Variants in ADAMTS6 observed in about 807,000 individuals in gnomAD.
ADAMTS6 encodes ADAM metallopeptidase with thrombospondin type 1 motif 6, also known as A disintegrin and metalloproteinase with thrombospondin motifs 6.
ADAMTS6 carries 23 observed loss-of-function variants against 144.3 expected under a neutral mutation model. The observed-to-expected ratio is 0.16, with a 90% CI of 0.11 to 0.23. The LOEUF (loss-of-function observed/expected upper bound fraction) is 0.23, where lower values mean the gene tolerates loss of function less well. ADAMTS6 is among the 10% of genes least tolerant of loss of function. The pLI is 1.00. For synonymous variants in ADAMTS6, 444 were observed against 457.5 expected, an observed-to-expected ratio of 0.97 and a Z score of 0.38; for missense variants, 999 against 1,379.6, an observed-to-expected ratio of 0.72 and a Z score of 4.37.
At chr5:65,366,685 T>C (rs1750336352) in intron 7 of ADAMTS6, among the ~76,000 whole-genome samples, 1 of 152,226 alleles carries the variant, frequency 6.6e-6, no homozygotes, top group African/African-American at 2.4e-5. Context: ...TAACTGTTCA[T>C]AGATTTAAAG....
chr5:65,398,846 A>AAGAAAG (rs1561502035), intron 7 of ADAMTS6, among the ~76,000 whole-genome samples: 1 of 143,728 alleles, frequency 7.0e-6, no homozygotes, highest in South Asian at 2.2e-4. Context: ...GAAAGAAAGA[A>AAGAAAG]AGAAAAAGAA....
intron 2 of ADAMTS6, among the ~76,000 whole-genome samples, chr5:65,471,421 G>A (rs371920962): frequency 2.8e-4 from 42 of 151,714 alleles, no homozygotes; most frequent in Non-Finnish European, 5.3e-4. Flanking sequence ...AATTCTACAA[G>A]AAATATTAAA....
chr5:65,234,078 CAAAAA>C (rs3078364), intron 15 of ADAMTS6, among the ~76,000 whole-genome samples: 1 of 90,382 alleles, frequency 1.1e-5, no homozygotes, highest in South Asian at 3.5e-4. Flanking sequence ...TGGTCACGTG[CAAAAA>C]AAAAAAAAAA....
chr5:65,459,474 A>G (rs1462529708), intron 4 of ADAMTS6, among the ~76,000 whole-genome samples: 2 of 152,102 alleles, frequency 1.3e-5, no homozygotes, highest in African/African-American at 4.8e-5. Context: ...TTATCCCTCC[A>G]GCCCACATTC....
chr5:65,257,505 G>T (rs1023752889), intron 14 of ADAMTS6, among the ~76,000 whole-genome samples: 1 of 151,882 alleles, frequency 6.6e-6, no homozygotes, highest in Non-Finnish European at 1.5e-5. Context: ...TATTCCTAGC[G>T]CAGAGCCCAT....
chr5:65,400,971 T>C (rs2150163772), intron 7 of ADAMTS6, among the ~76,000 whole-genome samples: 1 of 152,332 alleles, frequency 6.6e-6, no homozygotes. Context: ...CATTCTCCAT[T>C]AACACTTTTA....
intron 18 of ADAMTS6, among the ~76,000 whole-genome samples, chr5:65,222,068 A>G (rs1038549363): frequency 1.3e-5 from 2 of 152,218 alleles, no homozygotes; most frequent in Non-Finnish European, 2.9e-5. Context: ...TAACCTATAG[A>G]TTCCATATAC....
chr5:65,429,851 A>C (rs1756855980), intron 7 of ADAMTS6, among the ~76,000 whole-genome samples: 1 of 152,166 alleles, frequency 6.6e-6, no homozygotes, highest in East Asian at 1.9e-4. Flanking sequence ...CAAAATTAGA[A>C]AGTATTACAT....
At position 65,471,069 on chromosome 5, in the gene ADAMTS6, G is replaced by A; in HGVS notation, c.171C>T (p.Leu57=). ...PIRVDQNGAF[L]SFTVKNDKHS... Reference sequence around the variant, plus strand: ...GTTTATCATTTTTCACAGTAAAGCTGAGAAATGCTCCATTTTGATCAACCC... The same window carrying A: ...GTTTATCATTTTTCACAGTAAAGCTAAGAAATGCTCCATTTTGATCAACCC... The change falls in exon 3 of 25, where the codon CTC becomes CTT. Residue 57 remains leucine, a synonymous_variant. Coordinates refer to ENST00000381055, the MANE Select transcript of ADAMTS6 (RefSeq NM_197941.4). 1 of 1,610,842 alleles carries A rather than the reference G, an allele frequency of 6.2e-7. No individual in the cohort carries two copies. Among genetic ancestry groups the A allele is most frequent in the Non-Finnish European group, 8.5e-7 (1 of 1,178,888 alleles).
At chr5:65,305,152 A>G (rs1039464122) in intron 9 of ADAMTS6, among the ~76,000 whole-genome samples, 1 of 152,244 alleles carries the variant, frequency 6.6e-6, no homozygotes, top group African/African-American at 2.4e-5. Context: ...TTATGGACAT[A>G]TAAATAGAGA....
rs527640550 is a variant in ADAMTS6 at position 65,271,388 on chromosome 5, A to C, written c.1620+1952T>G. On this transcript the variant is annotated intron_variant, in intron 12 of 24. Coordinates refer to ENST00000381055, the MANE Select transcript of ADAMTS6 (RefSeq NM_197941.4). The stretch of plus-strand genomic sequence containing the variant: ...GCTATACTCCGTCTAAAAAAAAAAA[A>C]AAAAAAAAAACACAAATTACATTTC... 3.3e-3 allele frequency among the ~76,000 whole-genome samples: 508 copies of C among 151,934 alleles called. 5 individuals carry two copies. The highest frequency in any genetic ancestry group is 3.9e-3 in the Non-Finnish European group (265 of 67,930).
chr5:65,349,186 A>G (rs1312973811), intron 7 of ADAMTS6, among the ~76,000 whole-genome samples: 6 of 152,110 alleles, frequency 3.9e-5, no homozygotes, highest in Non-Finnish European at 7.4e-5. Flanking sequence ...AAAAATTTCT[A>G]TTGTTAGTAG....
At chr5:65,469,818 A>G (rs945315811) in intron 3 of ADAMTS6, among the ~76,000 whole-genome samples, 1 of 152,236 alleles carries the variant, frequency 6.6e-6, no homozygotes, top group Non-Finnish European at 1.5e-5. Context: ...AAATAAGAAT[A>G]TGGGTATGTT....
At chr5:65,414,619 T>C (rs1186976833) in intron 7 of ADAMTS6, among the ~76,000 whole-genome samples, 1 of 152,184 alleles carries the variant, frequency 6.6e-6, no homozygotes. Context: ...TCTTGGTTTC[T>C]TGGCAATAAA....
At chr5:65,344,604 A>G (rs1179715669) in intron 7 of ADAMTS6, among the ~76,000 whole-genome samples, 2 of 151,944 alleles carry the variant, frequency 1.3e-5, no homozygotes, top group Non-Finnish European at 2.9e-5. Context: ...AAAATTAATC[A>G]CAATGAACAT....
At chr5:65,239,793 C>T (rs757144333) in intron 15 of ADAMTS6, among the ~76,000 whole-genome samples, 9 of 151,922 alleles carry the variant, frequency 5.9e-5, no homozygotes, top group South Asian at 4.2e-4. Flanking sequence ...AAAATGGAAA[C>T]GGAAATTTCA....
intron 14 of ADAMTS6, among the ~76,000 whole-genome samples, chr5:65,253,456 A>G (rs1382808174): frequency 2.6e-5 from 4 of 152,230 alleles, no homozygotes; most frequent in African/African-American, 9.6e-5. Flanking sequence ...ATTGTTATCT[A>G]GTCCTTGACT....
intron 4 of ADAMTS6, among the ~76,000 whole-genome samples, chr5:65,453,203 A>G (rs977352694): frequency 1.3e-5 from 2 of 152,226 alleles, no homozygotes; most frequent in African/African-American, 4.8e-5. Flanking sequence ...TTATTCCAGT[A>G]ATTACATCTT....
intron 5 of ADAMTS6, among the ~76,000 whole-genome samples, 154 bp downstream of exon 5, chr5:65,452,553 T>C (rs763036236): frequency 2.2e-4 from 34 of 152,132 alleles, no homozygotes; most frequent in Non-Finnish European, 3.7e-4. Flanking sequence ...TCTTTAAATG[T>C]ATTTTTATGG....
Sources: allele counts gnomAD v4.1 joint callset (sites outside exome capture counted in the v4.1 genomes callset), GRCh38; gene constraint gnomAD v4.1.1; transcripts MANE v1.5; gene names NCBI Gene and HGNC (gene_info 2026-07-23, HGNC 2026-07-21).